The following CD180 variants were observed in gnomAD, a reference collection of about 807,000 sequenced individuals.
The protein encoded by CD180 is CD180 molecule, also known as CD180 antigen.
CD180 carries 11 observed loss-of-function variants against 10.7 expected under a neutral mutation model. The observed-to-expected ratio is 1.03, with a 90% CI of 0.65 to 1.70. The LOEUF (loss-of-function observed/expected upper bound fraction) is 1.70. Among genes scored for constraint, CD180 ranks in the 40% most tolerant of loss-of-function variants. CD180 has a pLI of 0.00. For synonymous variants in CD180, 286 were observed against 294.6 expected, an observed-to-expected ratio of 0.97 and a Z score of 0.30; for missense variants, 729 against 775.2, an observed-to-expected ratio of 0.94 and a Z score of 0.71.
At position 67,184,016 on chromosome 5, in the gene CD180, A is replaced by G. The variant is rs944173529; in HGVS notation, c.827T>C (p.Val276Ala). Reference protein sequence around the residue: ...AMLKGLCEMSVESLNLQEHRF... With the variant: ...AMLKGLCEMSAESLNLQEHRF... ...GTGTTCCTGCAGGTTGAGGCTCTCA[A>G]CAGACATTTCACAGAGTCCCTTGAG... Residue 276 changes from valine (V) to alanine (A), a missense_variant, in exon 3 of 3, where the codon GTT (valine) becomes GCT (alanine). Physicochemically the swap from Val to Ala is moderately conservative, Grantham distance 64 (BLOSUM62 0). Transcript: ENST00000256447. 5 of 1,614,014 alleles carry G rather than the reference A, an allele frequency of 3.1e-6. No individual in the cohort carries two copies. Among genetic ancestry groups the G allele is most frequent in the African/African-American group, 1.3e-5 (1 of 74,924 alleles).
chr5:67,184,095 G>C lies in CD180; in HGVS notation c.748C>G (p.Leu250Val). ...ATGTCCTCAAATGTTCCCAGCCAGA[G>C]AGACTGAGTAGTAGAGTTCTGCAGA... is the stretch of plus-strand genomic sequence containing the variant. The part of the protein sequence containing the change: ...NGLQNSTTQS[L>V]WLGTFEDIDD... Residue 250 changes from leucine (L) to valine (V), a missense_variant, in exon 3 of 3, where the codon CTC becomes GTC. Physicochemically the swap from Leu to Val is conservative, Grantham distance 32 (BLOSUM62 1). Transcript: ENST00000256447. 6.2e-7 allele frequency: 1 copy of C among 1,614,180 alleles called. No individual in the cohort carries two copies.
In CD180 at chr5:67,184,439, G is replaced by C. The variant is rs372829866; in HGVS notation, c.404C>G (p.Thr135Arg). 6.2e-7 allele frequency: 1 copy of C among 1,613,978 alleles called. No individual in the cohort carries two copies. Among genetic ancestry groups the C allele is most frequent in the African/African-American group, 1.3e-5 (1 of 74,884 alleles). Reference sequence around the variant, plus strand: ...AATAAACTCGAGATTGGATATTCCCGTTTGGATTAAGAAAAGATGCTTCAG... The same window carrying C: ...AATAAACTCGAGATTGGATATTCCCCTTTGGATTAAGAAAAGATGCTTCAG... ...KSLKHLFLIQ[T>R]GISNLEFIPV... Residue 135 changes from threonine to arginine, a missense_variant, in exon 3 of 3, where the codon ACG becomes AGG. Physicochemically the swap from Thr to Arg is moderately conservative, Grantham distance 71. Transcript: ENST00000256447.
chr5:67,180,123 T>C lies in CD180; in HGVS notation c.*2734A>G, dbSNP rs2151163773. 1 of 152,332 alleles carries C rather than the reference T, an allele frequency of 6.6e-6. No individual in the cohort carries two copies. Among genetic ancestry groups the C allele is most frequent in the Middle Eastern group, 3.4e-3 (1 of 294 alleles). 9.4% of individuals were successfully genotyped at this position (152,332 alleles called of 1,614,324 possible). A position where few individuals can be genotyped will look rare whatever the true frequency, so the allele number is the denominator to read the frequency against. On this transcript the variant is annotated 3_prime_UTR_variant, in exon 3 of 3. Transcript: ENST00000256447. ...AAACAGAGGAGCTGTCACAAAGCCT[T>C]AGATCAGTTACGGAGCAGCAAGCTG...
rs553843339 is a variant in CD180, at chr5:67,180,122, T to A, written c.*2735A>T. ...AAAACAGAGGAGCTGTCACAAAGCC[T>A]TAGATCAGTTACGGAGCAGCAAGCT... On this transcript the variant is annotated 3_prime_UTR_variant, in exon 3 of 3. Coordinates refer to ENST00000256447, the MANE Select transcript of CD180 (RefSeq NM_005582.3). 1.3e-5 allele frequency: 2 copies of A among 152,228 alleles called. No individual in the cohort carries two copies. Among genetic ancestry groups the A allele is most frequent in the Non-Finnish European group, 2.9e-5 (2 of 68,042 alleles). The allele number at this position is 152,228 out of a possible 1,614,324, so 9.4% of individuals were successfully genotyped here. A position where few individuals can be genotyped will look rare whatever the true frequency, so the allele number is the denominator to read the frequency against.
chr5:67,188,212 G>T (rs545512110), intron 1 of CD180, among the ~76,000 whole-genome samples: 18 of 151,898 alleles, frequency 1.2e-4, no homozygotes, highest in African/African-American at 3.6e-4. Flanking sequence ...GCCTCCATTT[G>T]CTCTGTCCAC....
chr5:67,190,907 T>C (rs1742292348), intron 1 of CD180: 62 of 985,006 alleles, frequency 6.3e-5, no homozygotes, highest in Non-Finnish European at 7.4e-5. Context: ...TTTGGAACTC[T>C]GAATTTCACT....
intron 1 of CD180, among the ~76,000 whole-genome samples, chr5:67,195,890 G>T (rs1742392052): frequency 6.6e-6 from 1 of 152,190 alleles, no homozygotes; most frequent in Admixed American, 6.5e-5. Context: ...AGAGAAAGTG[G>T]GAGGAAGTTT....
At chr5:67,191,478 C>T (rs1021302241) in intron 1 of CD180, among the ~76,000 whole-genome samples, 2 of 152,068 alleles carry the variant, frequency 1.3e-5, no homozygotes, top group Non-Finnish European at 2.9e-5. Flanking sequence ...CTAACCAGTC[C>T]CCATCCCACA....
At chr5:67,186,571 G>C (rs1029322406) in intron 1 of CD180, among the ~76,000 whole-genome samples, 1 of 152,042 alleles carries the variant, frequency 6.6e-6, no homozygotes, top group Admixed American at 6.6e-5. Flanking sequence ...GAATGCACTT[G>C]GTTTTACAGT....
At position 67,183,564 on chromosome 5, in the gene CD180, A is replaced by T. The variant is rs1410185199; in HGVS notation, c.1279T>A (p.Leu427Met). The change falls in exon 3 of 3, where the codon TTG becomes ATG. Residue 427 changes from leucine (L) to methionine (M), a missense_variant. By Grantham distance (15) the Leu-to-Met change is conservative. Transcript: ENST00000256447. ...KECPQLELLD[L>M]AFTRLHINAP... ...TTAATGTGTAAGCGGGTAAATGCCAAATCGAGGAGTTCTAGCTGAGGACAT... is the reference window on the plus strand; with the variant it reads ...TTAATGTGTAAGCGGGTAAATGCCATATCGAGGAGTTCTAGCTGAGGACAT... 1.2e-6 allele frequency: 2 copies of T among 1,614,076 alleles called. No homozygotes were observed. The highest frequency in any genetic ancestry group is 1.7e-6 in the Non-Finnish European group (2 of 1,180,022).
intron 2 of CD180, among the ~76,000 whole-genome samples, 178 bp from the exon 3 acceptor site, chr5:67,184,763 C>G (rs765520827): frequency 6.6e-6 from 1 of 152,078 alleles, no homozygotes; most frequent in South Asian, 2.1e-4. Flanking sequence ...CTTCTGAACA[C>G]GCCAATCTAG....
At chr5:67,187,012 A>C (rs1337567446) in intron 1 of CD180, among the ~76,000 whole-genome samples, 1 of 152,220 alleles carries the variant, frequency 6.6e-6, no homozygotes, top group Non-Finnish European at 1.5e-5. Context: ...CAAATAAAGC[A>C]GTTCAAAAAG....
intron 1 of CD180, among the ~76,000 whole-genome samples, chr5:67,191,907 A>T (rs928526284): frequency 1.3e-5 from 2 of 152,220 alleles, no homozygotes; most frequent in Non-Finnish European, 2.9e-5. Flanking sequence ...TCCTACTTGT[A>T]TGTAAAAAAC....
intron 1 of CD180, among the ~76,000 whole-genome samples, chr5:67,193,648 G>C (rs1742348559): frequency 6.6e-6 from 1 of 152,214 alleles, no homozygotes; most frequent in South Asian, 2.1e-4. Flanking sequence ...CAGGAATGTT[G>C]TTGTATTGGA....
At chr5:67,190,393 G>T (rs747195380) in intron 1 of CD180, among the ~76,000 whole-genome samples, 7 of 152,214 alleles carry the variant, frequency 4.6e-5, no homozygotes, top group Non-Finnish European at 8.8e-5. Flanking sequence ...CCAGGACCAC[G>T]TGCTTCTGTT....
chr5:67,185,042 T>C (rs1048248066), intron 2 of CD180, among the ~76,000 whole-genome samples: 4 of 151,360 alleles, frequency 2.6e-5, no homozygotes, highest in South Asian at 2.1e-4. Flanking sequence ...CATCCTGGTA[T>C]TGCACCTAAA....
chr5:67,190,125 T>C (rs950569197), intron 1 of CD180, among the ~76,000 whole-genome samples: 2 of 152,258 alleles, frequency 1.3e-5, no homozygotes, highest in African/African-American at 4.8e-5. Context: ...CTTTGAAGAA[T>C]GCAGGCCTAT....
rs536921902 is a variant in CD180, at chr5:67,196,651, G to C, written c.-10C>G. The stretch of plus-strand genomic sequence containing the variant: ...TGACGTCAAACGCCATCACAGGCTA[G>C]GATTGCTTGGTGGGTTTACCTAATG... On this transcript the variant is annotated 5_prime_UTR_variant, in exon 1 of 3. Transcript: ENST00000256447. 1.7e-4 allele frequency: 268 copies of C among 1,613,766 alleles called. No homozygotes were observed. The highest frequency in any genetic ancestry group is 2.1e-4 in the Non-Finnish European group (253 of 1,179,910).
At chr5:67,193,545 G>C (rs1581830798) in intron 1 of CD180, among the ~76,000 whole-genome samples, 1 of 152,172 alleles carries the variant, frequency 6.6e-6, no homozygotes. Context: ...TCACTCACAC[G>C]TGATAGATGA....
Sources: gnomAD v4.1 joint callset for allele counts (sites outside exome capture counted in the v4.1 genomes callset) on GRCh38, gnomAD v4.1.1 for gene constraint, MANE v1.5 for transcripts, NCBI Gene and HGNC (gene_info 2026-07-23, HGNC 2026-07-21) for gene names.